The following CEACAM19 variants were observed in gnomAD, a reference collection of about 807,000 sequenced individuals.
CEACAM19 encodes the protein cell adhesion molecule CEACAM19.
Under a neutral mutation model 37.6 loss-of-function variants are expected in CEACAM19, and 37 were observed. The ratio of observed to expected loss-of-function variants is 0.98; its 90% CI spans 0.76 to 1.29. CEACAM19 has a LOEUF of 1.29. CEACAM19 is among the 50% of genes most tolerant of loss of function. The pLI, the probability that CEACAM19 is intolerant of heterozygous loss-of-function variation, is 0.00. For synonymous variants in CEACAM19, 140 were observed against 149.8 expected (o/e 0.93, Z 0.48); for missense variants, 340 against 375.6 (o/e 0.91, Z 0.78).
At chr19:44,668,511 T>A (rs1973790642), upstream of CEACAM19, among the ~76,000 whole-genome samples, 1 of 36,334 alleles carries the variant, frequency 2.8e-5, no homozygotes, top group East Asian at 1.1e-3. Context: ...TATTATATAT[T>A]AGTTATAATA....
At chr19:44,682,523 T>TG (rs779127681) in intron 6 of CEACAM19, 44 bp from the exon 7 acceptor site, 4 of 1,549,060 alleles carry the variant, frequency 2.6e-6, no homozygotes, top group Non-Finnish European at 2.6e-6. Flanking sequence ...GTTTAGAGGG[T>TG]GGGGGGTGCC....
intron 5 of CEACAM19, 84 bp downstream of exon 5, chr19:44,680,418 T>C: frequency 7.8e-7 from 1 of 1,288,648 alleles, no homozygotes; most frequent in East Asian, 2.3e-5. Flanking sequence ...CCGCTTATTC[T>C]CCCTCACTCA....
At position 44,676,324 on chromosome 19, in the gene CEACAM19, G is replaced by C; in HGVS notation, c.478G>C (p.Ala160Pro). 1 of 1,614,078 alleles carries C rather than the reference G, an allele frequency of 6.2e-7. No homozygotes were observed. Among genetic ancestry groups the C allele is most frequent in the East Asian group, 2.2e-5 (1 of 44,864 alleles). The change falls in exon 3 of 8, where the codon GCG (alanine) becomes CCG (proline). Residue 160 changes from alanine (A) to proline (P), a missense_variant. Coordinates refer to ENST00000358777, the MANE Select transcript of CEACAM19 (RefSeq NM_001127893.3). ...THLPTNAGILAATIIGSLAAG... is the reference protein window; with the variant it reads ...THLPTNAGILPATIIGSLAAG... ...CCTGCCCACCAACGCTGGGATCCTG[G>C]CGGCCACCATCATTGGATCTCTTGC...
chr19:44,683,396 T>A, intron 7 of CEACAM19, 41 bp from the exon 8 acceptor site: 1 of 891,186 alleles, frequency 1.1e-6, no homozygotes, highest in Non-Finnish European at 1.8e-6. Context: ...ACTCTCCCCC[T>A]CCACCCAGTC....
intron 2 of CEACAM19, among the ~76,000 whole-genome samples, chr19:44,675,226 T>C (rs1464129313): frequency 6.6e-6 from 1 of 151,822 alleles, no homozygotes; most frequent in Non-Finnish European, 1.5e-5. Flanking sequence ...ATTGAGTAAT[T>C]TGCCCAAGGC....
chr19:44,680,481 C>T (rs1974037060), intron 5 of CEACAM19, 147 bp downstream of exon 5: 4 of 667,870 alleles, frequency 6.0e-6, no homozygotes, highest in South Asian at 1.8e-5. Flanking sequence ...CCTGAACTCA[C>T]CCACATAATC....
upstream of CEACAM19, among the ~76,000 whole-genome samples, chr19:44,668,148 A>G (rs1277545346): frequency 1.1e-5 from 1 of 87,674 alleles, no homozygotes; most frequent in Non-Finnish European, 1.9e-5. Context: ...TATATTATAT[A>G]TATTTATATG....
chr19:44,675,102 G>GTGTGTGTGTA (rs1359153765), intron 2 of CEACAM19, among the ~76,000 whole-genome samples: 2 of 133,636 alleles, frequency 1.5e-5, no homozygotes, highest in African/African-American at 6.0e-5. Context: ...AACAGCGTGT[G>GTGTGTGTGTA]TGTGTGTGTG....
intron 2 of CEACAM19, among the ~76,000 whole-genome samples, chr19:44,674,437 G>A (rs1973911094): frequency 6.6e-6 from 1 of 151,400 alleles, no homozygotes; most frequent in Non-Finnish European, 1.5e-5. Flanking sequence ...CCCAGTGCTG[G>A]GATTACAAGA....
upstream of CEACAM19, among the ~76,000 whole-genome samples, chr19:44,668,266 A>C (rs1300267680): frequency 6.0e-5 from 5 of 83,788 alleles, no homozygotes; most frequent in East Asian, 1.4e-3. Context: ...TATTATATTT[A>C]TATAATATGT....
In CEACAM19 at chr19:44,683,607, C is replaced by G; in HGVS notation, c.*117C>G. 1.7e-6 allele frequency: 1 copy of G among 597,946 alleles called. No homozygotes were observed. Among genetic ancestry groups the G allele is most frequent in the East Asian group, 3.1e-5 (1 of 31,808 alleles). The allele number at this position is 597,946 out of a possible 1,614,324, so 37.0% of individuals were successfully genotyped here. On this transcript the variant is annotated 3_prime_UTR_variant, in exon 8 of 8. Coordinates refer to ENST00000358777, the MANE Select transcript of CEACAM19 (RefSeq NM_001127893.3). Reference sequence around the variant, plus strand: ...GGGGCTGTGGGGCCGATGAGGTGGACTCAGCCAAAGACTCAGCAGCACATG... The same window carrying G: ...GGGGCTGTGGGGCCGATGAGGTGGAGTCAGCCAAAGACTCAGCAGCACATG...
At chr19:44,678,982 T>C (rs1974004963) in intron 4 of CEACAM19, 46 bp downstream of exon 4, 3 of 1,609,404 alleles carry the variant, frequency 1.9e-6, no homozygotes, top group Admixed American at 1.7e-5. Context: ...AAACTTGCTA[T>C]AGCGGTGTCA....
chr19:44,666,542 C>A (rs1412150973), upstream of CEACAM19, among the ~76,000 whole-genome samples: 1 of 152,100 alleles, frequency 6.6e-6, no homozygotes, highest in African/African-American at 2.4e-5. Flanking sequence ...TGGTGGCGTG[C>A]GCCTATAGTC....
chr19:44,678,753 T>TC lies in CEACAM19; in HGVS notation c.576-94dup, dbSNP rs780585595. 1.0e-5 allele frequency: 13 copies of TC among 1,292,398 alleles called. No individual in the cohort carries two copies. The East Asian group carries it at 2.0e-4, about 20-fold the overall frequency. The allele number at this position is 1,292,398 out of a possible 1,614,324, so 80.1% of individuals were successfully genotyped here. ...AACCGCACACACACCTTCCACCCCC[T>TC]CCCCCCTCTCCATTTTCCTTCATAG... On this transcript the variant is annotated intron_variant, in intron 3 of 7. Coordinates refer to ENST00000358777, the MANE Select transcript of CEACAM19 (RefSeq NM_001127893.3).
chr19:44,667,785 AAT>A (rs1430573420), upstream of CEACAM19, among the ~76,000 whole-genome samples: 9 of 70,600 alleles, frequency 1.3e-4, 1 homozygote, highest in South Asian at 3.6e-3. Context: ...ATAATATATA[AAT>A]ATATATAAAT....
At chr19:44,671,280 C>A (rs1022475004), upstream of CEACAM19, 1 of 159,060 alleles carries the variant, frequency 6.3e-6, no homozygotes, top group Admixed American at 6.5e-5. Context: ...CACCACCACG[C>A]CTGACTAACT....
chr19:44,681,392 C>T lies in CEACAM19; in HGVS notation c.792+80C>T. The stretch of plus-strand genomic sequence containing the variant: ...TCTGAGCTGGCTGTGGTCCTCTGGG[C>T]CATCTTGACACCAGGTTTGGGAATC... On this transcript the variant is annotated intron_variant, in intron 6 of 7. Transcript: ENST00000358777. 6 of 839,692 alleles carry T rather than the reference C, an allele frequency of 7.1e-6. No individual in the cohort carries two copies. In the South Asian group the frequency reaches 9.2e-5, roughly 13 times the overall value. The allele number at this position is 839,692 out of a possible 1,614,324, so 52.0% of individuals were successfully genotyped here. A position where few individuals can be genotyped will look rare whatever the true frequency, so the allele number is the denominator to read the frequency against.
At chr19:44,670,781 GA>G (rs74691226), upstream of CEACAM19, among the ~76,000 whole-genome samples, 589 of 58,078 alleles carry the variant, frequency 0.01, 1 homozygote, top group Admixed American at 0.016. Context: ...CCTGTCTCAA[GA>G]AAAAAAAAAA....
At chr19:44,668,012 T>TATTTATA, upstream of CEACAM19, among the ~76,000 whole-genome samples, 1 of 83,074 alleles carries the variant, frequency 1.2e-5, no homozygotes, top group Non-Finnish European at 2.0e-5. Flanking sequence ...TAGATTTATA[T>TATTTATA]TATTTATATA....
Sources: allele counts gnomAD v4.1 joint callset (sites outside exome capture counted in the v4.1 genomes callset), GRCh38; gene constraint gnomAD v4.1.1; transcripts MANE v1.5; gene names NCBI Gene and HGNC (gene_info 2026-07-23, HGNC 2026-07-21).